SGMS1: variants seen among roughly 807,000 people sequenced by gnomAD.
SGMS1 encodes sphingomyelin synthase 1, also known as phosphatidylcholine:ceramide cholinephosphotransferase 1.
SGMS1 carries 13 observed loss-of-function variants against 46.2 expected under a neutral mutation model. The observed-to-expected ratio is 0.28, with a 90% CI of 0.18 to 0.45. The LOEUF (loss-of-function observed/expected upper bound fraction) is 0.45, where lower values mean the gene tolerates loss of function less well. SGMS1 is among the 20% of genes least tolerant of loss of function. The pLI, the probability that SGMS1 is intolerant of heterozygous loss-of-function variation, is 1.00. For synonymous variants in SGMS1, 203 were observed against 187.8 expected (o/e 1.08, Z -0.66); for missense variants, 324 against 519.9 (o/e 0.62, Z 3.66).
intron 6 of SGMS1, among the ~76,000 whole-genome samples, chr10:50,403,413 G>C (rs943517080): frequency 6.6e-6 from 1 of 152,100 alleles, no homozygotes; most frequent in Non-Finnish European, 1.5e-5. Context: ...AGACTCTAGG[G>C]GTACATTTGT....
At chr10:50,370,742 TA>T (rs34960612) in intron 6 of SGMS1, among the ~76,000 whole-genome samples, 154 of 134,766 alleles carry the variant, frequency 1.1e-3, no homozygotes, top group Middle Eastern at 3.8e-3. Flanking sequence ...TCCATCTCAA[TA>T]AAAAAAAAAA....
chr10:50,577,587 T>C (rs1473911412), intron 2 of SGMS1, among the ~76,000 whole-genome samples: 1 of 152,124 alleles, frequency 6.6e-6, no homozygotes, highest in Non-Finnish European at 1.5e-5. Context: ...CAAAATAATA[T>C]AAAAAATTAC....
At chr10:50,441,044 G>A (rs1247458628) in intron 5 of SGMS1, among the ~76,000 whole-genome samples, 1 of 152,234 alleles carries the variant, frequency 6.6e-6, no homozygotes, top group Non-Finnish European at 1.5e-5. Flanking sequence ...AGCAGGCACA[G>A]TTGTTCGGCA....
At chr10:50,471,102 A>G (rs1474721368) in intron 3 of SGMS1, among the ~76,000 whole-genome samples, 1 of 152,210 alleles carries the variant, frequency 6.6e-6, no homozygotes, top group Non-Finnish European at 1.5e-5. Flanking sequence ...GCTCCAGGCA[A>G]TGGTGAGATA....
At chr10:50,611,073 T>C (rs117297278) in intron 1 of SGMS1, among the ~76,000 whole-genome samples, 4,061 of 152,294 alleles carry the variant, frequency 0.027, 89 homozygotes, top group Non-Finnish European at 0.042. Context: ...GAAGGGACTA[T>C]GCAGTCCACG....
chr10:50,369,150 G>T (rs374466563), intron 6 of SGMS1, among the ~76,000 whole-genome samples: 1 of 152,284 alleles, frequency 6.6e-6, no homozygotes, highest in East Asian at 1.9e-4. Flanking sequence ...ATCATACACT[G>T]TAAATATGAA....
chr10:50,465,846 G>GA (rs1837322057), intron 4 of SGMS1, among the ~76,000 whole-genome samples: 1 of 149,458 alleles, frequency 6.7e-6, no homozygotes, highest in African/African-American at 2.5e-5. Flanking sequence ...ATTTTCCAGA[G>GA]ACAAAAAAAA....
At chr10:50,374,962 C>T (rs138536042) in intron 6 of SGMS1, among the ~76,000 whole-genome samples, 177 of 152,052 alleles carry the variant, frequency 1.2e-3, no homozygotes, top group African/African-American at 3.7e-3. Context: ...CTTCGCAGCC[C>T]GAGGCAGGTG....
chr10:50,324,427 C>CTTTTAA (rs1029372221), intron 8 of SGMS1, among the ~76,000 whole-genome samples: 46 of 152,180 alleles, frequency 3.0e-4, no homozygotes, highest in African/African-American at 1.0e-3. Flanking sequence ...GCCTGAGTGA[C>CTTTTAA]TTTTAATAAG....
chr10:50,344,963 A>G (rs962592427), intron 6 of SGMS1, among the ~76,000 whole-genome samples: 2 of 152,120 alleles, frequency 1.3e-5, no homozygotes, highest in Admixed American at 6.5e-5. Flanking sequence ...TCAAGAGACC[A>G]GGTATTCTCT....
chr10:50,460,631 G>C (rs1460115850), intron 5 of SGMS1, 42 bp downstream of exon 5: 1 of 152,234 alleles, frequency 6.6e-6, no homozygotes, highest in Non-Finnish European at 1.5e-5. Context: ...AGAGCAGAGT[G>C]GGCCACATCA....
At chr10:50,470,032 C>T (rs929748081) in intron 3 of SGMS1, among the ~76,000 whole-genome samples, 36 of 152,260 alleles carry the variant, frequency 2.4e-4, no homozygotes, top group Middle Eastern at 3.4e-3. Context: ...GAAGCAACAC[C>T]GAAAGACAGT....
intron 3 of SGMS1, among the ~76,000 whole-genome samples, chr10:50,506,244 G>A (rs542252728): frequency 6.6e-6 from 1 of 152,172 alleles, no homozygotes; most frequent in South Asian, 2.1e-4. Flanking sequence ...CATTATTTCT[G>A]TAATTTAATG....
At chr10:50,453,797 AGAGG>A (rs1311446888) in intron 5 of SGMS1, among the ~76,000 whole-genome samples, 1 of 31,260 alleles carries the variant, frequency 3.2e-5, no homozygotes, top group Non-Finnish European at 6.1e-5. Context: ...GAGGGAGGGG[AGAGG>A]AAGGAGGGAG....
intron 2 of SGMS1, among the ~76,000 whole-genome samples, chr10:50,577,597 C>T (rs1838396731): frequency 6.6e-6 from 1 of 152,130 alleles, no homozygotes; most frequent in African/African-American, 2.4e-5. Flanking sequence ...TAAAAAATTA[C>T]CCCTAGATTG....
chr10:50,559,710 C>T (rs181869987), intron 2 of SGMS1, among the ~76,000 whole-genome samples: 1 of 152,290 alleles, frequency 6.6e-6, no homozygotes, highest in East Asian at 1.9e-4. Context: ...AAGAATCTCA[C>T]ATAGCAAACT....
At chr10:50,530,230 AAACTGTATG>A (rs1458520154) in intron 2 of SGMS1, among the ~76,000 whole-genome samples, 3 of 152,230 alleles carry the variant, frequency 2.0e-5, no homozygotes, top group Non-Finnish European at 4.4e-5. Flanking sequence ...ATAGTCAATT[AAACTGTATG>A]TGCTTTTCTG....
intron 6 of SGMS1, among the ~76,000 whole-genome samples, chr10:50,370,425 T>A (rs1729460464): frequency 6.6e-6 from 1 of 151,448 alleles, no homozygotes; most frequent in Admixed American, 6.6e-5. Context: ...ATTTTTTTTT[T>A]ACTTAAAAAA....
intron 2 of SGMS1, among the ~76,000 whole-genome samples, chr10:50,554,043 G>A (rs376338661): frequency 6.6e-6 from 1 of 152,030 alleles, no homozygotes; most frequent in African/African-American, 2.4e-5. Context: ...CCACCTAACC[G>A]TCACCTACTG....
Sources: allele counts gnomAD v4.1 joint callset (sites outside exome capture counted in the v4.1 genomes callset), GRCh38; gene constraint gnomAD v4.1.1; transcripts MANE v1.5; gene names NCBI Gene and HGNC (gene_info 2026-07-23, HGNC 2026-07-21).